The following CDH12 variants were observed in gnomAD, a reference collection of about 807,000 sequenced individuals.
The protein encoded by CDH12 is cadherin 12, also known as cadherin-12.
A neutral mutation model predicts 74.1 loss-of-function variants in CDH12; 41 were observed. The ratio of observed to expected loss-of-function variants is 0.55; its 90% CI spans 0.43 to 0.72. The LOEUF is 0.72. CDH12 is among the 30% of genes least tolerant of loss of function. The pLI is 0.00. For synonymous variants in CDH12, 399 were observed against 355.0 expected (o/e 1.12, Z -1.39); for missense variants, 945 against 977.2 (o/e 0.97, Z 0.44).
At chr5:22,599,300 T>C (rs1736740732) in intron 1 of CDH12, among the ~76,000 whole-genome samples, 1 of 152,068 alleles carries the variant, frequency 6.6e-6, no homozygotes, top group South Asian at 2.1e-4. Context: ...GTGATAAGAT[T>C]CGGGAATAGG....
chr5:22,148,047 G>T (rs1308269378), intron 4 of CDH12, among the ~76,000 whole-genome samples: 1 of 152,106 alleles, frequency 6.6e-6, no homozygotes, highest in African/African-American at 2.4e-5. Flanking sequence ...TCTGCTCTTT[G>T]ATTTCCTAAG....
chr5:22,845,375 A>G (rs536453785), intron 1 of CDH12, among the ~76,000 whole-genome samples: 50 of 152,228 alleles, frequency 3.3e-4, no homozygotes, highest in African/African-American at 1.1e-3. Flanking sequence ...CAAGATATCC[A>G]CTTTTAACAT....
rs978491445 is a variant in CDH12 at position 21,804,503 on chromosome 5, A to G, written c.1003-2083T>C. On this transcript the variant is annotated intron_variant, in intron 9 of 14. Transcript: ENST00000382254. ...CACATTTTCAAATACTTGAAGGGCCATTATGTTGACATTACTTAGGATTAT... is the reference window on the plus strand; with the variant it reads ...CACATTTTCAAATACTTGAAGGGCCGTTATGTTGACATTACTTAGGATTAT... Among the ~76,000 whole-genome samples, 3 of 152,176 alleles carry G rather than the reference A, an allele frequency of 2.0e-5. No homozygotes were observed. The South Asian group carries it at 6.2e-4, about 32-fold the overall frequency.
intron 6 of CDH12, among the ~76,000 whole-genome samples, chr5:21,955,862 A>G (rs866183578): frequency 2.0e-5 from 3 of 152,144 alleles, no homozygotes; most frequent in African/African-American, 7.2e-5. Flanking sequence ...CTGCCCAGGT[A>G]TTAGGGAGAA....
intron 1 of CDH12, among the ~76,000 whole-genome samples, chr5:22,813,200 T>A (rs903290340): frequency 2.0e-5 from 3 of 152,124 alleles, no homozygotes; most frequent in Admixed American, 2.0e-4. Context: ...GATTCTATGA[T>A]CTGGGAGATC....
intron 8 of CDH12, among the ~76,000 whole-genome samples, chr5:21,825,679 C>T (rs1748630467): frequency 6.6e-6 from 1 of 152,122 alleles, no homozygotes; most frequent in Admixed American, 6.6e-5. Context: ...GTAAAGTTTC[C>T]CCTGAGATAT....
chr5:22,007,965 GAA>G (rs1737063092), intron 5 of CDH12, among the ~76,000 whole-genome samples: 1 of 152,004 alleles, frequency 6.6e-6, no homozygotes, highest in Admixed American at 6.6e-5. Flanking sequence ...GAGATTGAGA[GAA>G]AAAGAGAGAG....
chr5:22,173,895 C>T (rs1749186773), intron 4 of CDH12, among the ~76,000 whole-genome samples: 1 of 151,850 alleles, frequency 6.6e-6, no homozygotes, highest in South Asian at 2.1e-4. Context: ...AGCTGATATG[C>T]CACATGCCAC....
intron 6 of CDH12, chr5:21,884,016 G>A: frequency 6.7e-7 from 1 of 1,497,100 alleles, no homozygotes; most frequent in South Asian, 1.1e-5. Flanking sequence ...CAAAATTCCA[G>A]CAATGACCAC....
intron 3 of CDH12, among the ~76,000 whole-genome samples, chr5:22,362,458 T>C (rs1415459765): frequency 2.0e-5 from 3 of 152,106 alleles, no homozygotes. Context: ...TGTGGAGAAA[T>C]AGGAACACTT....
Position 22,424,115 on chromosome 5 carries a change from A to C in CDH12, c.-427-18764T>G, listed in dbSNP as rs916595074. Among the ~76,000 whole-genome samples the C allele has an allele frequency of 1.2e-4, 18 of 151,902 alleles. No individual in the cohort carries two copies. The East Asian group carries it at 3.5e-3, about 29-fold the overall frequency. On this transcript the variant is annotated intron_variant, in intron 2 of 14. Transcript: ENST00000382254. ...CGAAAATTTATTTATTAAATATTTA[A>C]ATTTAAATTTAAATGTCCAGAGCAC...
At chr5:22,154,112 A>G (rs185268157) in intron 4 of CDH12, among the ~76,000 whole-genome samples, 3,085 of 149,242 alleles carry the variant, frequency 0.021, 58 homozygotes, top group Non-Finnish European at 0.03. Context: ...GTAATGACAA[A>G]AAAATTGAAT....
intron 1 of CDH12, among the ~76,000 whole-genome samples, chr5:22,828,706 T>C (rs946941371): frequency 2.0e-5 from 3 of 152,218 alleles, no homozygotes; most frequent in Non-Finnish European, 4.4e-5. Flanking sequence ...ATTCTCATTG[T>C]ATTCTGTGCG....
chr5:22,640,908 T>C (rs1429405418), intron 1 of CDH12, among the ~76,000 whole-genome samples: 1 of 152,198 alleles, frequency 6.6e-6, no homozygotes, highest in African/African-American at 2.4e-5. Context: ...AATCATTTTA[T>C]TCCCTATTTT....
At chr5:22,337,877 T>C (rs1348564267) in intron 3 of CDH12, among the ~76,000 whole-genome samples, 3 of 152,210 alleles carry the variant, frequency 2.0e-5, no homozygotes, top group Non-Finnish European at 4.4e-5. Context: ...AAATATCATC[T>C]TATCCCACTT....
chr5:22,304,194 T>C (rs1229165528), intron 3 of CDH12, among the ~76,000 whole-genome samples: 1 of 152,008 alleles, frequency 6.6e-6, no homozygotes, highest in Non-Finnish European at 1.5e-5. Context: ...GTTTGGAGAG[T>C]TAACGAGATG....
At chr5:22,285,177 T>C (rs1393533686) in intron 3 of CDH12, among the ~76,000 whole-genome samples, 1 of 152,170 alleles carries the variant, frequency 6.6e-6, no homozygotes, top group Non-Finnish European at 1.5e-5. Context: ...ATTTCTCTAC[T>C]TAATGGTGAA....
At chr5:22,499,585 C>A (rs1010911006) in intron 2 of CDH12, among the ~76,000 whole-genome samples, 1 of 152,002 alleles carries the variant, frequency 6.6e-6, no homozygotes, top group African/African-American at 2.4e-5. Context: ...ATACTTAATC[C>A]CCATTCCAGA....
At chr5:22,647,142 T>A (rs1739476930) in intron 1 of CDH12, among the ~76,000 whole-genome samples, 1 of 151,798 alleles carries the variant, frequency 6.6e-6, no homozygotes, top group Admixed American at 6.6e-5. Context: ...TGAGCCAAAG[T>A]GCCTAATATA....
Sources: allele counts gnomAD v4.1 joint callset (sites outside exome capture counted in the v4.1 genomes callset), GRCh38; gene constraint gnomAD v4.1.1; transcripts MANE v1.5; gene names NCBI Gene and HGNC (gene_info 2026-07-23, HGNC 2026-07-21).